Variants in NAF1 observed in about 807,000 individuals in gnomAD.
NAF1 encodes the protein nuclear assembly factor 1 ribonucleoprotein.
A neutral mutation model predicts 40.6 loss-of-function variants in NAF1; 11 were observed. The ratio of observed to expected loss-of-function variants is 0.27; its 90% CI spans 0.17 to 0.45. The LOEUF (loss-of-function observed/expected upper bound fraction) is 0.45, where lower values mean the gene tolerates loss of function less well. NAF1 is among the 20% of genes least tolerant of loss of function. The pLI is 1.00. For synonymous variants in NAF1, 260 were observed against 228.5 expected, an observed-to-expected ratio of 1.14 and a Z score of -1.24; for missense variants, 607 against 611.1, an observed-to-expected ratio of 0.99 and a Z score of 0.07.
At position 163,137,227 on chromosome 4, in the gene NAF1, C is replaced by T; in HGVS notation, c.902G>A (p.Trp301Ter). The change falls in exon 6 of 8, where the codon TGG becomes TAG. Residue 301 changes from tryptophan to a stop codon, truncating the protein, a stop_gained. Coordinates refer to ENST00000274054, the MANE Select transcript of NAF1 (RefSeq NM_138386.3). LOFTEE classifies it high-confidence loss of function. Reference sequence around the variant, plus strand: ...TGGTGGTGGTTCCTGATCATTCTTCCATGATGCATCTGATCCCTTATCCCT... The same window carrying T: ...TGGTGGTGGTTCCTGATCATTCTTCTATGATGCATCTGATCCCTTATCCCT... The part of the protein sequence containing the change: ...LKQDKGSDAS[W>*]KNDQEPPPEA... The T allele has an allele frequency of 6.2e-7, 1 of 1,610,242 alleles. No individual in the cohort carries two copies. The highest frequency in any genetic ancestry group is 8.5e-7 in the Non-Finnish European group (1 of 1,177,228).
chr4:163,130,729 C>T (rs1730838553), intron 7 of NAF1, among the ~76,000 whole-genome samples: 1 of 152,226 alleles, frequency 6.6e-6, no homozygotes, highest in Admixed American at 6.5e-5. Flanking sequence ...AACACCTGGA[C>T]ATCCACATGC....
intron 7 of NAF1, among the ~76,000 whole-genome samples, chr4:163,129,755 A>C (rs1236942751): frequency 6.6e-6 from 1 of 152,176 alleles, no homozygotes; most frequent in African/African-American, 2.4e-5. Context: ...CAAACAATGA[A>C]CATCACATGG....
chr4:163,143,352 G>A (rs1731334599), intron 4 of NAF1, among the ~76,000 whole-genome samples: 1 of 152,198 alleles, frequency 6.6e-6, no homozygotes, highest in African/African-American at 2.4e-5. Context: ...CTGACAAGCA[G>A]AGAAGATATA....
In NAF1 at chr4:163,144,958, CCTTT is replaced by C. The variant is rs144538854; in HGVS notation, c.717+820_717+823del. ...ACTGTCATGAAAATCACAAATAGCT[CCTTT>C]CTTATTTGTTTGTATTCAACTCAAT... On this transcript the variant is annotated intron_variant, in intron 4 of 7. Transcript: ENST00000274054. Among the ~76,000 whole-genome samples, 1,415 of 152,202 alleles carry C rather than the reference CCTTT, an allele frequency of 9.3e-3. 29 individuals carry two copies. The highest frequency in any genetic ancestry group is 0.032 in the African/African-American group (1,322 of 41,530).
chr4:163,104,376 G>A, the NAF1 span, among the ~76,000 whole-genome samples: 10,184 of 152,062 alleles, frequency 0.067, 401 homozygotes, highest in Non-Finnish European at 0.09. Context: ...GGTGTACTTC[G>A]CAATTCATAA....
intron 6 of NAF1, chr4:163,135,227 T>A (rs114690540): frequency 6.6e-6 from 1 of 152,194 alleles, no homozygotes; most frequent in Non-Finnish European, 1.5e-5. Flanking sequence ...TTTCTCTTTT[T>A]AAGTTTAAAC....
chr4:163,166,864 A>T lies in NAF1; in HGVS notation c.-137T>A. 2 of 1,208,854 alleles carry T rather than the reference A, an allele frequency of 1.7e-6. No homozygotes were observed. Among genetic ancestry groups the T allele is most frequent in the Admixed American group, 2.9e-5 (1 of 34,168 alleles). The allele number at this position is 1,208,854 out of a possible 1,614,324, so 74.9% of individuals were successfully genotyped here. On this transcript the variant is annotated 5_prime_UTR_variant, in exon 1 of 8. Coordinates refer to ENST00000274054, the MANE Select transcript of NAF1 (RefSeq NM_138386.3). Reference sequence around the variant, plus strand: ...CCCAACTTCCCGCGTTTCTCAGGTAACTACACGCGGAGGAGCCAAAAGACA... The same window carrying T: ...CCCAACTTCCCGCGTTTCTCAGGTATCTACACGCGGAGGAGCCAAAAGACA...
intron 6 of NAF1, chr4:163,133,610 G>C (rs1311383150): frequency 5.4e-6 from 1 of 184,552 alleles, no homozygotes; most frequent in Non-Finnish European, 1.1e-5. Flanking sequence ...ATAAAAAACA[G>C]AAGACAATGT....
chr4:163,106,932 A>C (rs950107771), downstream of NAF1, among the ~76,000 whole-genome samples: 2 of 151,992 alleles, frequency 1.3e-5, no homozygotes, highest in African/African-American at 4.8e-5. Context: ...AGAATGATAC[A>C]TTTCAGGGTT....
At chr4:163,110,688 T>C (rs1730133777) in intron 2 of NAF1, among the ~76,000 whole-genome samples, 2 of 152,208 alleles carry the variant, frequency 1.3e-5, no homozygotes, top group South Asian at 4.1e-4. Flanking sequence ...GGACAGGAAC[T>C]AGAGACAGAT....
downstream of NAF1, among the ~76,000 whole-genome samples, chr4:163,107,354 CTA>C (rs1730064384): frequency 6.6e-6 from 1 of 152,330 alleles, no homozygotes; most frequent in East Asian, 1.9e-4. Context: ...AAGCAAGTCT[CTA>C]TGTGTACTTG....
intron 3 of NAF1, among the ~76,000 whole-genome samples, 185 bp from the exon 4 acceptor site, chr4:163,146,049 T>C (rs1731454211): frequency 6.6e-6 from 1 of 152,166 alleles, no homozygotes; most frequent in Non-Finnish European, 1.5e-5. Context: ...GAAATGTTTT[T>C]ATACCTATTT....
intron 1 of NAF1, among the ~76,000 whole-genome samples, chr4:163,164,609 G>C (rs1323222201): frequency 6.6e-6 from 1 of 152,046 alleles, no homozygotes; most frequent in Non-Finnish European, 1.5e-5. Context: ...TATGGTATTG[G>C]GAAAGTAGTA....
chr4:163,134,192 T>G (rs1288551815), intron 6 of NAF1, among the ~76,000 whole-genome samples: 1 of 152,182 alleles, frequency 6.6e-6, no homozygotes, highest in East Asian at 1.9e-4. Flanking sequence ...TATTAATTTA[T>G]TATTCTATTA....
At chr4:163,112,114 T>A (rs1730178067) in intron 2 of NAF1, among the ~76,000 whole-genome samples, 1 of 151,518 alleles carries the variant, frequency 6.6e-6, no homozygotes. Context: ...GCTGGTGAAA[T>A]GGGCCAAAGC....
intron 2 of NAF1, among the ~76,000 whole-genome samples, chr4:163,120,955 G>A (rs371307849): frequency 1.6e-4 from 24 of 152,132 alleles, no homozygotes; most frequent in South Asian, 8.3e-4. Flanking sequence ...GTAGTGGAGC[G>A]ATCTAGGCTC....
At chr4:163,104,320 AC>A in the NAF1 span, among the ~76,000 whole-genome samples, 1 of 152,220 alleles carries the variant, frequency 6.6e-6, no homozygotes, top group Non-Finnish European at 1.5e-5. Flanking sequence ...CAGAGGCCTG[AC>A]AATAAGCATG....
chr4:163,145,894 T>C (rs1385500024), intron 3 of NAF1, 30 bp from the exon 4 acceptor site: 2 of 1,070,054 alleles, frequency 1.9e-6, no homozygotes, highest in Non-Finnish European at 2.8e-6. Flanking sequence ...ACTTCAAGAT[T>C]TACTTATAAG....
At chr4:163,154,893 A>AC (rs911979878) in intron 2 of NAF1, among the ~76,000 whole-genome samples, 44 of 151,590 alleles carry the variant, frequency 2.9e-4, no homozygotes, top group South Asian at 4.2e-4. Context: ...ACAAAAACAA[A>AC]AAAAAAAAAA....
Sources: gnomAD v4.1 joint callset for allele counts (sites outside exome capture counted in the v4.1 genomes callset) on GRCh38, gnomAD v4.1.1 for gene constraint, MANE v1.5 for transcripts, NCBI Gene and HGNC (gene_info 2026-07-23, HGNC 2026-07-21) for gene names.